Variants in XKR4 observed in about 807,000 individuals in gnomAD.
XKR4 encodes the protein XK related 4.
A neutral mutation model predicts 53.9 loss-of-function variants in XKR4; 12 were observed. The observed-to-expected ratio is 0.22, with a 90% CI of 0.14 to 0.36. The LOEUF is 0.36. XKR4 is among the 10% of genes least tolerant of loss of function. XKR4 has a pLI of 1.00. For synonymous variants in XKR4, 354 were observed against 362.4 expected (o/e 0.98, Z 0.26); for missense variants, 799 against 859.5 (o/e 0.93, Z 0.88).
chr8:55,341,763 C>T (rs1585529582), intron 1 of XKR4, among the ~76,000 whole-genome samples: 1 of 152,134 alleles, frequency 6.6e-6, no homozygotes, highest in Admixed American at 6.5e-5. Context: ...AGGAAGAGAC[C>T]TCCTGAACAT....
intron 2 of XKR4, among the ~76,000 whole-genome samples, chr8:55,362,618 G>A (rs1484154170): frequency 2.0e-5 from 3 of 152,176 alleles, no homozygotes; most frequent in African/African-American, 4.8e-5. Flanking sequence ...TCTAAATGAC[G>A]CCAGCAAAGG....
In XKR4 at chr8:55,524,246, A is replaced by C. The variant is rs1468518335; in HGVS notation, c.*19A>C. 4 of 1,597,198 alleles carry C rather than the reference A, an allele frequency of 2.5e-6. No individual in the cohort carries two copies. The East Asian group carries it at 8.9e-5, about 36-fold the overall frequency. On this transcript the variant is annotated 3_prime_UTR_variant, in exon 3 of 3. Transcript: ENST00000327381. ...TTTATAAAGCAAAAGGAGTTGCAGG[A>C]CCCACAACATCCAGATGAAGGGGTG...
intron 1 of XKR4, among the ~76,000 whole-genome samples, chr8:55,103,851 G>GTATATATA (rs60831330): frequency 3.0e-4 from 32 of 105,988 alleles, no homozygotes; most frequent in Non-Finnish European, 4.0e-4. Flanking sequence ...AAATGACTTT[G>GTATATATA]TATATATATA....
intron 1 of XKR4, among the ~76,000 whole-genome samples, chr8:55,281,237 G>A (rs1452652799): frequency 2.0e-5 from 3 of 152,164 alleles, no homozygotes; most frequent in Non-Finnish European, 4.4e-5. Flanking sequence ...AATTACTAGT[G>A]ATATTTCATA....
At chr8:55,493,039 G>T (rs1271612084) in intron 2 of XKR4, among the ~76,000 whole-genome samples, 3 of 152,046 alleles carry the variant, frequency 2.0e-5, no homozygotes, top group African/African-American at 7.2e-5. Flanking sequence ...CTGGGGGAAA[G>T]TTTCTGTCTA....
intron 2 of XKR4, among the ~76,000 whole-genome samples, chr8:55,477,527 T>C (rs1230100471): frequency 6.6e-6 from 1 of 152,116 alleles, no homozygotes; most frequent in Non-Finnish European, 1.5e-5. Flanking sequence ...ATGCAGCTCC[T>C]CACTAGCAAT....
chr8:55,199,599 C>T (rs183552677), intron 1 of XKR4, among the ~76,000 whole-genome samples: 1 of 152,248 alleles, frequency 6.6e-6, no homozygotes, highest in African/African-American at 2.4e-5. Flanking sequence ...TTTCAGAGTT[C>T]ATAAGTAACA....
chr8:55,329,359 C>G (rs1803349066), intron 1 of XKR4, among the ~76,000 whole-genome samples: 1 of 151,728 alleles, frequency 6.6e-6, no homozygotes, highest in Non-Finnish European at 1.5e-5. Context: ...AAACTTTCTT[C>G]AAACATGAGA....
intron 2 of XKR4, among the ~76,000 whole-genome samples, chr8:55,407,741 A>C (rs943569625): frequency 2.6e-5 from 4 of 152,268 alleles, no homozygotes; most frequent in Non-Finnish European, 5.9e-5. Context: ...AAGAAGGTCA[A>C]GCATTTCAAA....
intron 1 of XKR4, among the ~76,000 whole-genome samples, chr8:55,233,991 A>G (rs1430934816): frequency 6.6e-6 from 1 of 152,220 alleles, no homozygotes; most frequent in Non-Finnish European, 1.5e-5. Context: ...AGCCAGAAGG[A>G]GCTCATGGGT....
At chr8:55,361,737 A>T (rs1362665445) in intron 2 of XKR4, among the ~76,000 whole-genome samples, 2 of 152,030 alleles carry the variant, frequency 1.3e-5, no homozygotes, top group Non-Finnish European at 2.9e-5. Context: ...CCTTCTCCTC[A>T]TTAGTCACTG....
intron 2 of XKR4, chr8:55,451,780 C>A: frequency 1.9e-6 from 2 of 1,043,220 alleles, no homozygotes; most frequent in Non-Finnish European, 3.0e-6. Context: ...GGGGCCCAGG[C>A]CAAGGCACTG....
chr8:55,478,745 C>T (rs975078777), intron 2 of XKR4, among the ~76,000 whole-genome samples: 1 of 152,030 alleles, frequency 6.6e-6, no homozygotes, highest in Non-Finnish European at 1.5e-5. Flanking sequence ...GCAGGGGTTG[C>T]AATCCTAGTC....
intron 2 of XKR4, among the ~76,000 whole-genome samples, chr8:55,459,813 T>C (rs966342523): frequency 1.3e-5 from 2 of 152,128 alleles, no homozygotes; most frequent in Non-Finnish European, 2.9e-5. Flanking sequence ...CTCTTAGCCA[T>C]TGCTAGTGAT....
intron 1 of XKR4, among the ~76,000 whole-genome samples, chr8:55,213,088 T>C (rs192750337): frequency 4.6e-5 from 7 of 152,330 alleles, no homozygotes; most frequent in Admixed American, 3.9e-4. Context: ...TCTGTTCCTT[T>C]AACCATAAAC....
At chr8:55,354,916 T>TTTC (rs1803776453) in intron 1 of XKR4, among the ~76,000 whole-genome samples, 1 of 151,746 alleles carries the variant, frequency 6.6e-6, no homozygotes, top group African/African-American at 2.4e-5. Context: ...TTTTTTTTTT[T>TTTC]TTTTGAGATG....
intron 2 of XKR4, among the ~76,000 whole-genome samples, chr8:55,510,815 C>T (rs1260729929): frequency 6.6e-6 from 1 of 152,240 alleles, no homozygotes; most frequent in African/African-American, 2.4e-5. Flanking sequence ...TGTAAAGGAG[C>T]ATGCCAAGTG....
chr8:55,457,033 T>A (rs1380572337), intron 2 of XKR4, among the ~76,000 whole-genome samples: 1 of 150,326 alleles, frequency 6.7e-6, no homozygotes, highest in Non-Finnish European at 1.5e-5. Flanking sequence ...AAGAAAAAAA[T>A]GACTCATCAG....
At chr8:55,484,055 A>G (rs1806156160) in intron 2 of XKR4, among the ~76,000 whole-genome samples, 1 of 152,192 alleles carries the variant, frequency 6.6e-6, no homozygotes. Context: ...GAATACCAGG[A>G]ATAACACTAC....
Sources: gnomAD v4.1 joint callset for allele counts (sites outside exome capture counted in the v4.1 genomes callset) on GRCh38, gnomAD v4.1.1 for gene constraint, MANE v1.5 for transcripts, NCBI Gene and HGNC (gene_info 2026-07-23, HGNC 2026-07-21) for gene names.